CEMIP: variants seen among roughly 807,000 people sequenced by gnomAD.
The protein encoded by CEMIP is cell migration-inducing and hyaluronan-binding protein.
In CEMIP, 105 loss-of-function variants were observed where a neutral mutation model predicts 156.9. The observed-to-expected ratio is 0.67, with a 90% CI of 0.57 to 0.79. The LOEUF (loss-of-function observed/expected upper bound fraction) is 0.79. Ranked by LOEUF, CEMIP falls within the 30% of genes least tolerant of loss-of-function variation. The pLI is 0.00. For missense variants in CEMIP, 1,457 were observed against 1,769.4 expected, an observed-to-expected ratio of 0.82 and a Z score of 3.17; for synonymous variants, 676 against 668.4, an observed-to-expected ratio of 1.01 and a Z score of -0.17.
At chr15:80,831,783 G>C (rs1313086719) in intron 1 of CEMIP, among the ~76,000 whole-genome samples, 2 of 152,198 alleles carry the variant, frequency 1.3e-5, no homozygotes, top group African/African-American at 4.8e-5. Context: ...TCCTCAAGCT[G>C]ACCACAAGTC....
chr15:80,849,519 G>C (rs547154690), intron 1 of CEMIP, among the ~76,000 whole-genome samples: 1 of 152,258 alleles, frequency 6.6e-6, no homozygotes, highest in East Asian at 1.9e-4. Flanking sequence ...TTCACGCCGT[G>C]GGATCGGTTA....
chr15:80,918,497 A>G (rs1018370479), intron 14 of CEMIP, among the ~76,000 whole-genome samples: 5 of 152,202 alleles, frequency 3.3e-5, no homozygotes, highest in African/African-American at 1.2e-4. Flanking sequence ...ATCACGGGAC[A>G]GCCTCTCAAA....
At chr15:80,817,295 G>A (rs78475307) in intron 1 of CEMIP, among the ~76,000 whole-genome samples, 29 of 152,192 alleles carry the variant, frequency 1.9e-4, no homozygotes, top group Non-Finnish European at 3.7e-4. Context: ...TTGCATAAAT[G>A]ATGTGTGAGT....
chr15:80,865,650 CTTTT>C (rs60777440), intron 1 of CEMIP, among the ~76,000 whole-genome samples: 1 of 134,552 alleles, frequency 7.4e-6, no homozygotes, highest in Non-Finnish European at 1.6e-5. Flanking sequence ...ATGCACAGCC[CTTTT>C]TTTTTTTTTT....
rs183922935 is a variant in CEMIP, at chr15:80,809,124, A to G, written c.-176+29510A>G. 3.9e-5 allele frequency among the ~76,000 whole-genome samples: 6 copies of G among 152,368 alleles called. No homozygotes were observed. In the East Asian group the frequency reaches 1.2e-3, roughly 29 times the overall value. Reference sequence around the variant, plus strand: ...TGAAAGATTTAAAAATGGGTACTATATTAAAGCCAGCAATTTCACTTCTGA... The same window carrying G: ...TGAAAGATTTAAAAATGGGTACTATGTTAAAGCCAGCAATTTCACTTCTGA... On this transcript the variant is annotated intron_variant, in intron 1 of 29. Transcript: ENST00000394685.
At chr15:80,873,810 A>G (rs1898374115) in intron 2 of CEMIP, 54 bp from the exon 3 acceptor site, 1 of 1,318,316 alleles carries the variant, frequency 7.6e-7, no homozygotes, top group South Asian at 1.3e-5. Context: ...GGCCCTGTAT[A>G]CTGATTCCAG....
intron 1 of CEMIP, among the ~76,000 whole-genome samples, chr15:80,781,606 TTG>T (rs1567045497): frequency 6.6e-6 from 1 of 152,210 alleles, no homozygotes; most frequent in East Asian, 1.9e-4. Context: ...TCTGCTTTTT[TTG>T]TGTGTGACTG....
At chr15:80,818,507 A>G (rs548476556) in intron 1 of CEMIP, among the ~76,000 whole-genome samples, 1 of 152,364 alleles carries the variant, frequency 6.6e-6, no homozygotes, top group East Asian at 1.9e-4. Flanking sequence ...CCAAAAATAT[A>G]TGAATATTTT....
At chr15:80,782,273 T>C (rs890772715) in intron 1 of CEMIP, among the ~76,000 whole-genome samples, 1 of 152,206 alleles carries the variant, frequency 6.6e-6, no homozygotes, top group African/African-American at 2.4e-5. Context: ...GAGAGTGGCC[T>C]CTAAGGCCTG....
intron 1 of CEMIP, among the ~76,000 whole-genome samples, chr15:80,796,689 A>G (rs1896235095): frequency 6.6e-6 from 1 of 151,990 alleles, no homozygotes; most frequent in African/African-American, 2.4e-5. Context: ...TAGACCATTT[A>G]TTCAGCAAAC....
intron 23 of CEMIP, among the ~76,000 whole-genome samples, chr15:80,933,863 T>A (rs1036926925): frequency 2.6e-5 from 4 of 152,202 alleles, no homozygotes; most frequent in Non-Finnish European, 2.9e-5. Context: ...CCTTATCCAA[T>A]AGAAATATAA....
At chr15:80,844,245 C>A (rs892728869) in intron 1 of CEMIP, among the ~76,000 whole-genome samples, 3 of 152,336 alleles carry the variant, frequency 2.0e-5, no homozygotes, top group Admixed American at 6.5e-5. Flanking sequence ...CGCGCCCTCC[C>A]CCTGCCTGGG....
intron 19 of CEMIP, among the ~76,000 whole-genome samples, chr15:80,927,379 C>T (rs1044414635): frequency 5.9e-5 from 9 of 152,132 alleles, no homozygotes; most frequent in Admixed American, 3.9e-4. Flanking sequence ...CTAGAGCAGA[C>T]CCTAGAGCAT....
intron 1 of CEMIP, among the ~76,000 whole-genome samples, chr15:80,858,551 TAA>T (rs59305579): frequency 1.8e-4 from 24 of 130,436 alleles, no homozygotes; most frequent in Admixed American, 2.3e-4. Flanking sequence ...TGGTCTCTAC[TAA>T]AAAAAAAAAA....
chr15:80,920,822 CT>C (rs1900443911), intron 15 of CEMIP, among the ~76,000 whole-genome samples: 1 of 152,238 alleles, frequency 6.6e-6, no homozygotes, highest in Non-Finnish European at 1.5e-5. Flanking sequence ...GACCCATGCT[CT>C]TTTTAATTTC....
In CEMIP at chr15:80,920,314, C is replaced by A. The variant is rs900412987; in HGVS notation, c.2003+15C>A. 2 of 1,609,792 alleles carry A rather than the reference C, an allele frequency of 1.2e-6. No individual in the cohort carries two copies. On this transcript the variant is annotated intron_variant, in intron 15 of 29. Transcript: ENST00000394685. ...CAAGACTGCAAGTAAGTGCCTGGAC[C>A]CCTCTCTGTGTGCTGGGGGGAAGGG... is the stretch of plus-strand genomic sequence containing the variant.
chr15:80,872,958 G>A (rs1356059986), intron 1 of CEMIP, among the ~76,000 whole-genome samples: 2 of 152,204 alleles, frequency 1.3e-5, no homozygotes, highest in African/African-American at 4.8e-5. Flanking sequence ...GTGCATGCAT[G>A]GCTCCTACTA....
chr15:80,875,089 A>G (rs960064851), intron 3 of CEMIP, among the ~76,000 whole-genome samples: 53 of 125,956 alleles, frequency 4.2e-4, no homozygotes, highest in African/African-American at 1.6e-3. Context: ...GCTGGAGTGC[A>G]GTGATATGAT....
At chr15:80,875,137 G>C (rs1532956) in intron 3 of CEMIP, among the ~76,000 whole-genome samples, 2 of 140,412 alleles carry the variant, frequency 1.4e-5, no homozygotes, top group African/African-American at 5.3e-5. Flanking sequence ...GGGCTCAAAA[G>C]ATTCTCTCAT....
Sources: gnomAD v4.1 joint callset for allele counts (sites outside exome capture counted in the v4.1 genomes callset) on GRCh38, gnomAD v4.1.1 for gene constraint, MANE v1.5 for transcripts, NCBI Gene and HGNC (gene_info 2026-07-23, HGNC 2026-07-21) for gene names.